The following DLG2 variants were observed in gnomAD, a reference collection of about 807,000 sequenced individuals.
DLG2 encodes the protein discs large MAGUK scaffold protein 2, also known as disks large homolog 2.
A neutral mutation model predicts 132.5 loss-of-function variants in DLG2; 45 were observed. That is an observed-to-expected ratio of 0.34 (90% CI 0.27 to 0.44). The LOEUF is 0.44. DLG2 is among the 20% of genes least tolerant of loss of function. The pLI is 1.00. For synonymous variants in DLG2, 424 were observed against 419.6 expected (o/e 1.01, Z -0.13); for missense variants, 1,045 against 1,196.9 (o/e 0.87, Z 1.87).
At chr11:83,998,257 T>A (rs1391087366) in intron 11 of DLG2, among the ~76,000 whole-genome samples, 1 of 152,204 alleles carries the variant, frequency 6.6e-6, no homozygotes, top group Non-Finnish European at 1.5e-5. Context: ...TTTTGTTTGT[T>A]GTTGGCTTGC....
intron 3 of DLG2, among the ~76,000 whole-genome samples, chr11:85,483,933 A>G (rs2093360067): frequency 6.6e-6 from 1 of 151,704 alleles, no homozygotes; most frequent in Non-Finnish European, 1.5e-5. Flanking sequence ...ACAATACTTT[A>G]TTAAGGTATA....
At chr11:85,221,515 T>A (rs1282572678) in intron 4 of DLG2, among the ~76,000 whole-genome samples, 1 of 152,230 alleles carries the variant, frequency 6.6e-6, no homozygotes, top group Non-Finnish European at 1.5e-5. Context: ...CTCAGCATCT[T>A]GTGCAAAATT....
chr11:85,330,792 T>TAAAAAAAAAAAAAAAA (rs56995757), intron 3 of DLG2, among the ~76,000 whole-genome samples: 3 of 116,490 alleles, frequency 2.6e-5, no homozygotes, highest in Admixed American at 9.2e-5. Context: ...AAAAAAAAAT[T>TAAAAAAAAAAAAAAAA]AAAAAAAAAA....
chr11:85,437,260 T>C (rs2091535804), intron 3 of DLG2, among the ~76,000 whole-genome samples: 1 of 151,162 alleles, frequency 6.6e-6, no homozygotes, highest in African/African-American at 2.4e-5. Context: ...GCCACATGTA[T>C]ACCTATGTGA....
intron 6 of DLG2, among the ~76,000 whole-genome samples, chr11:85,018,790 CTTT>C (rs59380438): frequency 5.9e-5 from 8 of 135,628 alleles, no homozygotes; most frequent in African/African-American, 1.1e-4. Flanking sequence ...AACATGCCTT[CTTT>C]TTTTTTTTTT....
chr11:85,613,950 A>G (rs2153275148), intron 2 of DLG2, among the ~76,000 whole-genome samples: 1 of 151,928 alleles, frequency 6.6e-6, no homozygotes, highest in Non-Finnish European at 1.5e-5. Context: ...GGAATGAACA[A>G]CTCTGGACAT....
chr11:83,478,948 T>A (rs538407334), intron 22 of DLG2, among the ~76,000 whole-genome samples: 2 of 151,928 alleles, frequency 1.3e-5, no homozygotes, highest in East Asian at 3.9e-4. Context: ...GAGAGGCAAA[T>A]TTTTTTTCTG....
intron 4 of DLG2, among the ~76,000 whole-genome samples, chr11:85,217,776 C>T (rs893569665): frequency 6.6e-6 from 1 of 152,196 alleles, no homozygotes; most frequent in Non-Finnish European, 1.5e-5. Context: ...ATTCCCTTCC[C>T]TATGTATCTG....
At chr11:83,876,025 T>C (rs984129132) in intron 15 of DLG2, among the ~76,000 whole-genome samples, 3 of 152,190 alleles carry the variant, frequency 2.0e-5, no homozygotes, top group East Asian at 1.9e-4. Flanking sequence ...ATGTTTTCAA[T>C]TGACTAGTTG....
intron 21 of DLG2, among the ~76,000 whole-genome samples, chr11:83,491,091 TA>T (rs2093814850): frequency 6.6e-6 from 1 of 150,988 alleles, no homozygotes; most frequent in African/African-American, 2.4e-5. Flanking sequence ...AAATACTTAA[TA>T]AAAGTAGCTA....
intron 4 of DLG2, among the ~76,000 whole-genome samples, chr11:85,242,140 G>T (rs2075911574): frequency 6.6e-6 from 1 of 151,850 alleles, no homozygotes; most frequent in East Asian, 1.9e-4. Context: ...GAGAATAAAT[G>T]GATTATAGGC....
intron 6 of DLG2, among the ~76,000 whole-genome samples, chr11:85,017,196 C>T (rs956016301): frequency 6.6e-6 from 1 of 152,040 alleles, no homozygotes; most frequent in African/African-American, 2.4e-5. Flanking sequence ...TTTCCTTCAG[C>T]CTGTAAATAT....
chr11:85,360,514 C>T (rs1030922997), intron 3 of DLG2, among the ~76,000 whole-genome samples: 4 of 152,168 alleles, frequency 2.6e-5, no homozygotes, highest in Admixed American at 2.0e-4. Flanking sequence ...TCATCCTCCT[C>T]ATAGCTGTAA....
intron 17 of DLG2, among the ~76,000 whole-genome samples, chr11:83,813,162 T>C (rs2047830987): frequency 6.6e-6 from 1 of 152,166 alleles, no homozygotes; most frequent in African/African-American, 2.4e-5. Flanking sequence ...TCAAGCCTCT[T>C]GCTGGTTCCA....
intron 7 of DLG2, among the ~76,000 whole-genome samples, chr11:84,497,536 C>T (rs959623422): frequency 1.3e-5 from 2 of 152,104 alleles, no homozygotes; most frequent in African/African-American, 4.8e-5. Context: ...TTAGACTCTC[C>T]TGGGAACATA....
chr11:84,715,026 T>G lies in DLG2; in HGVS notation c.358-180295A>C, dbSNP rs544986360. On this transcript the variant is annotated intron_variant, in intron 6 of 27. Transcript: ENST00000376104. ...GGTAGGTTGCTTTCTAGAAGATGAC[T>G]CCTTTCCTTTGAGGGTTAGGGCAGT... is the stretch of plus-strand genomic sequence containing the variant. 1.2e-4 allele frequency among the ~76,000 whole-genome samples: 18 copies of G among 152,130 alleles called. 1 individual carries two copies. In the South Asian group the frequency reaches 3.3e-3, roughly 28 times the overall value.
chr11:85,291,434 T>G (rs1232922308), intron 3 of DLG2, among the ~76,000 whole-genome samples: 2 of 152,120 alleles, frequency 1.3e-5, no homozygotes, highest in Admixed American at 6.6e-5. Flanking sequence ...ATGGGAACAA[T>G]AGCAGTCACC....
At chr11:83,706,951 A>C (rs1217484661) in intron 18 of DLG2, among the ~76,000 whole-genome samples, 1 of 152,212 alleles carries the variant, frequency 6.6e-6, no homozygotes, top group African/African-American at 2.4e-5. Context: ...TCATGATAAC[A>C]ACAAAAGTAA....
chr11:84,550,498 C>T (rs1192379260), intron 6 of DLG2, among the ~76,000 whole-genome samples: 1 of 152,186 alleles, frequency 6.6e-6, no homozygotes, highest in African/African-American at 2.4e-5. Flanking sequence ...CTCATTCAAG[C>T]TACTCTTCCT....
Sources: gnomAD v4.1 joint callset for allele counts (sites outside exome capture counted in the v4.1 genomes callset) on GRCh38, gnomAD v4.1.1 for gene constraint, MANE v1.5 for transcripts, NCBI Gene and HGNC (gene_info 2026-07-23, HGNC 2026-07-21) for gene names.